The following FHIT variants were observed in gnomAD, a reference collection of about 807,000 sequenced individuals.
The protein encoded by FHIT is bis(5'-adenosyl)-triphosphatase.
In FHIT, 19 loss-of-function variants were observed where a neutral mutation model predicts 17.9. The ratio of observed to expected loss-of-function variants is 1.06; its 90% CI spans 0.74 to 1.56. The LOEUF (loss-of-function observed/expected upper bound fraction) is 1.56. Ranked by LOEUF, FHIT falls within the 40% of genes most tolerant of loss-of-function variation. The probability of loss-of-function intolerance (pLI) is 0.00; values close to 1 mark genes in which losing one functional copy is unlikely to be tolerated. For synonymous variants in FHIT, 81 were observed against 69.7 expected, an observed-to-expected ratio of 1.16 and a Z score of -0.81; for missense variants, 248 against 189.2, an observed-to-expected ratio of 1.31 and a Z score of -1.82.
At chr3:60,022,111 C>T (rs930197773) in intron 5 of FHIT, among the ~76,000 whole-genome samples, 2 of 152,168 alleles carry the variant, frequency 1.3e-5, no homozygotes, top group African/African-American at 2.4e-5. Flanking sequence ...ACACAGGACA[C>T]ATGTTTCAGA....
At chr3:60,876,947 G>GCCAGAAA (rs1704690095) in intron 3 of FHIT, among the ~76,000 whole-genome samples, 1 of 152,164 alleles carries the variant, frequency 6.6e-6, no homozygotes, top group African/African-American at 2.4e-5. Flanking sequence ...GCTGAGATGA[G>GCCAGAAA]CCAGAAACCC....
At chr3:60,755,497 A>G (rs1262515049) in intron 4 of FHIT, among the ~76,000 whole-genome samples, 3 of 152,218 alleles carry the variant, frequency 2.0e-5, no homozygotes, top group African/African-American at 7.2e-5. Flanking sequence ...GACCCATGGA[A>G]CCACTAATTT....
intron 7 of FHIT, among the ~76,000 whole-genome samples, chr3:59,933,402 T>C (rs1706069110): frequency 6.6e-6 from 1 of 152,188 alleles, no homozygotes; most frequent in Non-Finnish European, 1.5e-5. Context: ...ATATTATATG[T>C]TGGAATGGTA....
chr3:60,774,242 G>C (rs1700141775), intron 4 of FHIT, among the ~76,000 whole-genome samples: 1 of 152,070 alleles, frequency 6.6e-6, no homozygotes, highest in Non-Finnish European at 1.5e-5. Context: ...ATCCTGTATA[G>C]TCCTAAACCC....
chr3:60,343,809 G>A (rs903452462), intron 5 of FHIT, among the ~76,000 whole-genome samples: 1 of 152,044 alleles, frequency 6.6e-6, no homozygotes, highest in African/African-American at 2.4e-5. Context: ...TAAAAGCCCT[G>A]GACTGTCTTA....
chr3:59,806,780 G>C (rs1037568251), intron 8 of FHIT, among the ~76,000 whole-genome samples: 3 of 146,902 alleles, frequency 2.0e-5, no homozygotes, highest in Admixed American at 6.9e-5. Flanking sequence ...GTGGAACATG[G>C]GGGTGTCCTC....
At chr3:59,960,686 C>T (rs1174351772) in intron 7 of FHIT, among the ~76,000 whole-genome samples, 1 of 152,228 alleles carries the variant, frequency 6.6e-6, no homozygotes, top group Non-Finnish European at 1.5e-5. Flanking sequence ...CTATATTCTT[C>T]TAATACACTT....
At chr3:60,059,924 T>C (rs112164501) in intron 5 of FHIT, among the ~76,000 whole-genome samples, 3,565 of 152,340 alleles carry the variant, frequency 0.023, 55 homozygotes, top group Non-Finnish European at 0.033. Flanking sequence ...GATCACATCA[T>C]GTGTCATCCA....
intron 2 of FHIT, among the ~76,000 whole-genome samples, chr3:61,094,583 C>A (rs573440237): frequency 1.3e-5 from 2 of 152,194 alleles, no homozygotes; most frequent in East Asian, 3.9e-4. Context: ...CACATGCATA[C>A]CTATGAAAAA....
chr3:60,398,888 TA>T (rs11300360), intron 5 of FHIT, among the ~76,000 whole-genome samples: 147,045 of 152,056 alleles, frequency 0.97, 71,303 homozygotes, highest in East Asian at 1. Flanking sequence ...TTAAAAATAA[TA>T]AAAAAAATTT....
intron 5 of FHIT, among the ~76,000 whole-genome samples, chr3:60,439,596 T>G (rs1315397838): frequency 6.6e-6 from 1 of 151,968 alleles, no homozygotes; most frequent in Non-Finnish European, 1.5e-5. Context: ...AGTCAGTGAT[T>G]CCTCCAGGCA....
intron 5 of FHIT, among the ~76,000 whole-genome samples, chr3:60,393,094 C>G (rs1701295861): frequency 1.3e-5 from 2 of 152,032 alleles, no homozygotes; most frequent in Admixed American, 1.3e-4. Flanking sequence ...CGATTTGGCC[C>G]CTTCTGACTT....
intron 5 of FHIT, among the ~76,000 whole-genome samples, chr3:60,460,281 T>C (rs2032377151): frequency 6.6e-6 from 1 of 152,166 alleles, no homozygotes; most frequent in African/African-American, 2.4e-5. Flanking sequence ...ATTGTCCAAG[T>C]GTCCTGTCTT....
At chr3:59,894,370 G>A (rs1703976750) in intron 8 of FHIT, among the ~76,000 whole-genome samples, 2 of 152,010 alleles carry the variant, frequency 1.3e-5, no homozygotes, top group African/African-American at 4.8e-5. Context: ...ATAAATTAAG[G>A]CAACTTTCAC....
At chr3:61,145,938 C>T (rs116064122) in intron 2 of FHIT, among the ~76,000 whole-genome samples, 1 of 151,898 alleles carries the variant, frequency 6.6e-6, no homozygotes, top group Admixed American at 6.6e-5. Context: ...TTAACTTAAA[C>T]TTTTAAATTA....
chr3:61,206,254 T>C lies in FHIT; in HGVS notation c.-212-5589A>G, dbSNP rs185623710. On this transcript the variant is annotated intron_variant, in intron 1 of 9. Transcript: ENST00000492590. ...TATAGTTTGAAGTCAGGTAGTGTGATGCCTCCAGCTCTGTTCTTTTGGCTT... is the reference window on the plus strand; with the variant it reads ...TATAGTTTGAAGTCAGGTAGTGTGACGCCTCCAGCTCTGTTCTTTTGGCTT... 9.5e-3 allele frequency among the ~76,000 whole-genome samples: 1,250 copies of C among 131,274 alleles called. 186 individuals carry two copies. Among genetic ancestry groups the C allele is most frequent in the Non-Finnish European group, 0.014 (855 of 61,588 alleles). 86.1% of individuals were successfully genotyped at this position (131,274 alleles called of 152,430 possible). A position where few individuals can be genotyped will look rare whatever the true frequency, so the allele number is the denominator to read the frequency against.
At chr3:60,441,941 C>T (rs1189104256) in intron 5 of FHIT, among the ~76,000 whole-genome samples, 3 of 149,448 alleles carry the variant, frequency 2.0e-5, no homozygotes, top group Non-Finnish European at 4.4e-5. Flanking sequence ...TCACTGCAGC[C>T]TCAAACTCCT....
chr3:59,794,653 A>G (rs1480185206), intron 8 of FHIT, among the ~76,000 whole-genome samples: 2 of 152,230 alleles, frequency 1.3e-5, no homozygotes, highest in South Asian at 2.1e-4. Context: ...CCAGAGCCCA[A>G]GTGATATTGT....
At chr3:60,757,505 A>G (rs972564725) in intron 4 of FHIT, among the ~76,000 whole-genome samples, 2 of 152,220 alleles carry the variant, frequency 1.3e-5, no homozygotes, top group Non-Finnish European at 2.9e-5. Context: ...GATTGTGTCT[A>G]AATGAGTCAA....
Sources: allele counts gnomAD v4.1 joint callset (sites outside exome capture counted in the v4.1 genomes callset), GRCh38; gene constraint gnomAD v4.1.1; transcripts MANE v1.5; gene names NCBI Gene and HGNC (gene_info 2026-07-23, HGNC 2026-07-21).